The following CFTR variants were observed in gnomAD, a reference collection of about 807,000 sequenced individuals.
CFTR encodes the protein CF transmembrane conductance regulator.
A neutral mutation model predicts 171.6 loss-of-function variants in CFTR; 181 were observed. The observed-to-expected ratio is 1.05, with a 90% CI of 0.93 to 1.19. CFTR has a LOEUF of 1.19. CFTR is among the 50% of genes most tolerant of loss of function. The pLI, the probability that CFTR is intolerant of heterozygous loss-of-function variation, is 0.00. For synonymous variants in CFTR, 583 were observed against 608.0 expected, an observed-to-expected ratio of 0.96 and a Z score of 0.60; for missense variants, 1,968 against 1,734.7, an observed-to-expected ratio of 1.13 and a Z score of -2.39.
At position 117,504,274 on chromosome 7, in the gene CFTR, G is replaced by A; in HGVS notation, c.75G>A (p.Arg25=). ...LFFSWTRPIL[R]KGYRQRLELS... ...TTAGCTGGACCAGACCAATTTTGAG[G>A]AAAGGATACAGACAGCGCCTGGAAT... The change falls in exon 2 of 27, where the codon AGG becomes AGA. Residue 25 remains arginine (R), a synonymous_variant. Coordinates refer to ENST00000003084, the MANE Select transcript of CFTR (RefSeq NM_000492.4). The A allele has an allele frequency of 6.2e-7, 1 of 1,610,256 alleles. No individual in the cohort carries two copies. The highest frequency in any genetic ancestry group is 8.5e-7 in the Non-Finnish European group (1 of 1,176,646).
intron 1 of CFTR, among the ~76,000 whole-genome samples, chr7:117,486,576 G>A (rs1341617518): frequency 6.6e-6 from 1 of 151,898 alleles, no homozygotes; most frequent in Non-Finnish European, 1.5e-5. Context: ...ATTTAAACAG[G>A]TAGTGTGGAG....
chr7:117,626,857 C>T (rs985514264), intron 21 of CFTR, among the ~76,000 whole-genome samples: 14 of 151,682 alleles, frequency 9.2e-5, no homozygotes, highest in Non-Finnish European at 1.9e-4. Context: ...ATAAACTTTA[C>T]TAAATGTTAC....
chr7:117,594,674 T>C (rs1388343480), intron 14 of CFTR, among the ~76,000 whole-genome samples: 2 of 152,230 alleles, frequency 1.3e-5, no homozygotes, highest in Non-Finnish European at 2.9e-5. Context: ...AATACAGTTA[T>C]ATAATCAGTG....
At chr7:117,517,815 G>A (rs1321458087) in intron 3 of CFTR, among the ~76,000 whole-genome samples, 3 of 142,298 alleles carry the variant, frequency 2.1e-5, no homozygotes, top group African/African-American at 7.8e-5. Flanking sequence ...TAGTGATGAT[G>A]AGCTTCTTTT....
rs1230103075 is a variant in CFTR, at chr7:117,540,160, C to T, written c.930C>T (p.Phe310=). The stretch of plus-strand genomic sequence containing the variant: ...TGAGATACTTCAATAGCTCAGCCTT[C>T]TTCTTCTCAGGGTTCTTTGTGGTGT... ...AYVRYFNSSA[F]FFSGFFVVFL... is the part of the protein sequence containing the mutation. Residue 310 remains phenylalanine (F), a synonymous_variant, in exon 8 of 27, where the codon TTC becomes TTT. Transcript: ENST00000003084. The T allele has an allele frequency of 8.7e-6, 14 of 1,613,746 alleles. No homozygotes were observed. The highest frequency in any genetic ancestry group is 1.2e-5 in the Non-Finnish European group (14 of 1,179,822).
chr7:117,635,655 A>G (rs1030994328), intron 22 of CFTR, among the ~76,000 whole-genome samples: 2 of 151,964 alleles, frequency 1.3e-5, no homozygotes, highest in Non-Finnish European at 2.9e-5. Flanking sequence ...AGAGTTTGCA[A>G]TATACATTTA....
intron 12 of CFTR, among the ~76,000 whole-genome samples, chr7:117,589,032 A>G (rs1371527255): frequency 6.6e-6 from 1 of 152,114 alleles, no homozygotes; most frequent in Non-Finnish European, 1.5e-5. Context: ...CATCCAACAT[A>G]GAACTGAGTT....
rs1792246488 is a variant in CFTR, at chr7:117,602,860, G to A, written c.2654G>A (p.Gly885Glu). 1 of 1,612,884 alleles carries A rather than the reference G, an allele frequency of 6.2e-7. No homozygotes were observed. Among genetic ancestry groups the A allele is most frequent in the Non-Finnish European group, 8.5e-7 (1 of 1,178,864 alleles). ...TCTTTGGTTGTGCTGTGGCTCCTTG[G>A]AAAGTGAGTATTCCATGTCCTATTG... ...AASLVVLWLL[G>E]NTPLQDKGNS... The change falls in exon 16 of 27, where the codon GGA (glycine) becomes GAA (glutamate). Residue 885 changes from glycine (G) to glutamate (E), a missense_variant. Physicochemically the swap from Gly to Glu is moderately conservative, Grantham distance 98. Transcript: ENST00000003084.
In CFTR at chr7:117,665,462, A is replaced by T. The variant is rs2116222559; in HGVS notation, c.4140A>T (p.Thr1380=). Residue 1380 remains threonine, a synonymous_variant, in exon 26 of 27, where the codon ACA becomes ACT. Transcript: ENST00000003084. ...TGGTATTTTCTTTCTTTTCTAGAAC[A>T]TACCAAATAATTAGAAGAACTCTAA... ...DEPSAHLDPV[T]YQIIRRTLKQ... 6 of 1,584,180 alleles carry T rather than the reference A, an allele frequency of 3.8e-6. No homozygotes were observed. The highest frequency in any genetic ancestry group is 5.2e-6 in the Non-Finnish European group (6 of 1,152,970).
At chr7:117,503,658 C>CA (rs1041638240) in intron 1 of CFTR, among the ~76,000 whole-genome samples, 1 of 152,060 alleles carries the variant, frequency 6.6e-6, no homozygotes, top group African/African-American at 2.4e-5. Context: ...AGTGAGGAGA[C>CA]AAAACATAAG....
intron 11 of CFTR, among the ~76,000 whole-genome samples, chr7:117,572,461 C>G (rs1288820404): frequency 6.6e-6 from 1 of 152,114 alleles, no homozygotes; most frequent in East Asian, 1.9e-4. Context: ...ATTTTAATTT[C>G]TGAATTATTT....
At chr7:117,489,113 T>A (rs964870644) in intron 1 of CFTR, among the ~76,000 whole-genome samples, 1 of 152,072 alleles carries the variant, frequency 6.6e-6, no homozygotes, top group Non-Finnish European at 1.5e-5. Flanking sequence ...TACTAAGCAA[T>A]GTAATTAAAG....
chr7:117,487,280 C>T (rs554524805), intron 1 of CFTR, among the ~76,000 whole-genome samples: 47 of 152,170 alleles, frequency 3.1e-4, no homozygotes, highest in African/African-American at 1.0e-3. Flanking sequence ...ACTTGTTTGG[C>T]CTTATTGTGG....
chr7:117,612,451 T>C (rs1792422619), intron 20 of CFTR, among the ~76,000 whole-genome samples: 1 of 152,120 alleles, frequency 6.6e-6, no homozygotes, highest in African/African-American at 2.4e-5. Flanking sequence ...GATTTTAGGA[T>C]CTTTAGTGAA....
intron 20 of CFTR, among the ~76,000 whole-genome samples, chr7:117,612,593 G>A (rs1680738762): frequency 6.6e-6 from 1 of 152,110 alleles, no homozygotes; most frequent in South Asian, 2.1e-4. Flanking sequence ...AGTGAATACT[G>A]GCAGAGCAAA....
intron 15 of CFTR, among the ~76,000 whole-genome samples, chr7:117,598,208 G>C (rs1792168661): frequency 6.6e-6 from 1 of 152,126 alleles, no homozygotes; most frequent in Admixed American, 6.5e-5. Flanking sequence ...AACACCATAT[G>C]GGCACAACAA....
chr7:117,522,280 G>A (rs1024477878), intron 3 of CFTR, among the ~76,000 whole-genome samples: 2 of 152,218 alleles, frequency 1.3e-5, no homozygotes, highest in Non-Finnish European at 2.9e-5. Flanking sequence ...TCTGCCATGG[G>A]ACTCTGCAGA....
At position 117,548,796 on chromosome 7, in the gene CFTR, G is replaced by A. The variant is rs79074685; in HGVS notation, c.1365G>A (p.Ala455=). ...AGATAGAAAGAGGACAGTTGTTGGCGGTTGCTGGATCCACTGGAGCAGGCA... is the reference window on the plus strand; with the variant it reads ...AGATAGAAAGAGGACAGTTGTTGGCAGTTGCTGGATCCACTGGAGCAGGCA... The part of the protein sequence containing the change: ...NFKIERGQLL[A]VAGSTGAGKT... Residue 455 remains alanine (A), a synonymous_variant, in exon 10 of 27, where the codon GCG becomes GCA. Transcript: ENST00000003084. 3.1e-4 allele frequency: 475 copies of A among 1,555,778 alleles called. 1 individual carries two copies. In the African/African-American group the frequency reaches 4.9e-3, roughly 16 times the overall value.
chr7:117,533,897 C>T (rs887424786), intron 4 of CFTR, among the ~76,000 whole-genome samples: 1 of 152,116 alleles, frequency 6.6e-6, no homozygotes, highest in African/African-American at 2.4e-5. Context: ...TATAGGACTA[C>T]ATGAAAAATT....
Sources: gnomAD v4.1 joint callset for allele counts (sites outside exome capture counted in the v4.1 genomes callset) on GRCh38, gnomAD v4.1.1 for gene constraint, MANE v1.5 for transcripts, NCBI Gene and HGNC (gene_info 2026-07-23, HGNC 2026-07-21) for gene names.